The following NME7 variants were observed in gnomAD, a reference collection of about 807,000 sequenced individuals.
NME7 encodes the protein NME/NM23 family member 7, also known as nucleoside diphosphate kinase 7.
In NME7, 41 loss-of-function variants were observed where a neutral mutation model predicts 49.1. The observed-to-expected ratio is 0.83, with a 90% CI of 0.65 to 1.08. The LOEUF (loss-of-function observed/expected upper bound fraction) is 1.08, where lower values mean the gene tolerates loss of function less well. Among genes scored for constraint, NME7 ranks in the 50% least tolerant of loss-of-function variants. NME7 has a pLI of 0.00. For synonymous variants in NME7, 139 were observed against 150.6 expected (o/e 0.92, Z 0.56); for missense variants, 423 against 463.4 (o/e 0.91, Z 0.80).
At chr1:169,281,814 G>A (rs1319793595) in intron 7 of NME7, among the ~76,000 whole-genome samples, 1 of 152,184 alleles carries the variant, frequency 6.6e-6, no homozygotes, top group Non-Finnish European at 1.5e-5. Flanking sequence ...GATTGTGATG[G>A]ATAAGCTTTT....
At chr1:169,162,098 C>T (rs1659265125) in intron 11 of NME7, among the ~76,000 whole-genome samples, 1 of 152,084 alleles carries the variant, frequency 6.6e-6, no homozygotes, top group Non-Finnish European at 1.5e-5. Flanking sequence ...TGATTTCATC[C>T]CCAGTCAGTC....
At chr1:169,257,890 G>T (rs1318580599) in intron 7 of NME7, among the ~76,000 whole-genome samples, 1 of 133,876 alleles carries the variant, frequency 7.5e-6, no homozygotes, top group African/African-American at 2.5e-5. Flanking sequence ...AAAGGTTTCT[G>T]CTGAGGAAAT....
intron 7 of NME7, among the ~76,000 whole-genome samples, 154 bp from the exon 8 acceptor site, chr1:169,237,841 T>C (rs1050546697): frequency 3.9e-5 from 6 of 152,186 alleles, no homozygotes; most frequent in African/African-American, 1.4e-4. Context: ...AAATCCCTAA[T>C]ACTGAGCATT....
At position 169,241,599 on chromosome 1, in the gene NME7, C is replaced by T. The variant is rs542003368; in HGVS notation, c.755-3912G>A. ...TAAGAATAAATAGGACAAGTTCACA[C>T]GATATATAGGAAGATGCTCACCATA... On this transcript the variant is annotated intron_variant, in intron 7 of 11. Coordinates refer to ENST00000367811, the MANE Select transcript of NME7 (RefSeq NM_013330.5). Among the ~76,000 whole-genome samples, 10 of 151,412 alleles carry T rather than the reference C, an allele frequency of 6.6e-5. No homozygotes were observed. The South Asian group carries it at 1.0e-3, about 16-fold the overall frequency.
intron 6 of NME7, 25 bp downstream of exon 6, chr1:169,298,531 T>C (rs370576778): frequency 3.1e-6 from 5 of 1,604,878 alleles, no homozygotes; most frequent in Non-Finnish European, 4.3e-6. Flanking sequence ...TAGAAGAGCA[T>C]TAAAATATTT....
intron 11 of NME7, among the ~76,000 whole-genome samples, chr1:169,160,036 C>A (rs1433553817): frequency 3.9e-5 from 6 of 152,184 alleles, no homozygotes; most frequent in Admixed American, 6.5e-5. Flanking sequence ...TCCACACTGG[C>A]TACCTCCTTC....
chr1:169,190,669 C>T, intron 10 of NME7: 1 of 444,220 alleles, frequency 2.3e-6, no homozygotes, highest in Non-Finnish European at 4.5e-6. Context: ...CTTTAGTTTG[C>T]CTAAATTCAC....
intron 10 of NME7, among the ~76,000 whole-genome samples, chr1:169,210,608 ACT>A (rs1491259378): frequency 1.3e-5 from 2 of 151,816 alleles, no homozygotes; most frequent in Non-Finnish European, 2.9e-5. Context: ...ACACACACAC[ACT>A]CCATCAGAAT....
At chr1:169,359,464 C>CTT (rs1472534003) in intron 1 of NME7, among the ~76,000 whole-genome samples, 1 of 145,324 alleles carries the variant, frequency 6.9e-6, no homozygotes, top group East Asian at 4.8e-4. Flanking sequence ...GGATATGTAT[C>CTT]TCTGTGTGTG....
chr1:169,367,610 G>C (rs192344944), intron 1 of NME7, 98 bp downstream of exon 1: 49 of 1,362,674 alleles, frequency 3.6e-5, no homozygotes, highest in Non-Finnish European at 4.3e-5. Flanking sequence ...AGAAGGTCGG[G>C]AGGACCGGAC....
intron 11 of NME7, among the ~76,000 whole-genome samples, chr1:169,151,576 C>G (rs1658916280): frequency 6.6e-6 from 1 of 152,124 alleles, no homozygotes; most frequent in South Asian, 2.1e-4. Context: ...CTCCGCTAGT[C>G]CCCCCCAGGC....
At chr1:169,162,664 T>C (rs1344756019) in intron 11 of NME7, among the ~76,000 whole-genome samples, 2 of 151,882 alleles carry the variant, frequency 1.3e-5, no homozygotes, top group Non-Finnish European at 2.9e-5. Context: ...GGCAACACGA[T>C]GAGACCCCAT....
At chr1:169,140,541 A>G (rs1301826817) in intron 11 of NME7, among the ~76,000 whole-genome samples, 1 of 152,128 alleles carries the variant, frequency 6.6e-6, no homozygotes, top group Admixed American at 6.5e-5. Flanking sequence ...CCCACTCTGA[A>G]ACTAGTAGCC....
At chr1:169,254,700 T>A (rs1204770846) in intron 7 of NME7, among the ~76,000 whole-genome samples, 10 of 145,232 alleles carry the variant, frequency 6.9e-5, no homozygotes, top group African/African-American at 2.5e-4. Context: ...TGTGGCCATT[T>A]AGTGCTATAA....
chr1:169,245,028 C>T (rs1648251455), intron 7 of NME7, among the ~76,000 whole-genome samples: 1 of 152,136 alleles, frequency 6.6e-6, no homozygotes, highest in African/African-American at 2.4e-5. Flanking sequence ...ACCTGGGAGG[C>T]TGAGGCACAA....
At chr1:169,301,389 G>A (rs1426414466) in intron 5 of NME7, among the ~76,000 whole-genome samples, 2 of 152,080 alleles carry the variant, frequency 1.3e-5, no homozygotes, top group Non-Finnish European at 2.9e-5. Flanking sequence ...TTTCACACCA[G>A]TCAGAATGGT....
At chr1:169,199,453 A>T (rs1222882866) in intron 10 of NME7, among the ~76,000 whole-genome samples, 7 of 23,464 alleles carry the variant, frequency 3.0e-4, no homozygotes, top group East Asian at 5.0e-3. Flanking sequence ...GGTCTTTTTT[A>T]TTATTATTAT....
Position 169,264,237 on chromosome 1 carries a change from C to T in NME7, c.754+23066G>A, listed in dbSNP as rs1461992915. On this transcript the variant is annotated intron_variant, in intron 7 of 11. Coordinates refer to ENST00000367811, the MANE Select transcript of NME7 (RefSeq NM_013330.5). ...AAGAACATAATGACAGGATCAAATTCACACATATCAATACTAACCTTGAAT... is the reference window on the plus strand; with the variant it reads ...AAGAACATAATGACAGGATCAAATTTACACATATCAATACTAACCTTGAAT... Among the ~76,000 whole-genome samples, 4 of 133,862 alleles carry T rather than the reference C, an allele frequency of 3.0e-5. No homozygotes were observed. In the East Asian group the frequency reaches 7.9e-4, roughly 27 times the overall value. The allele number at this position is 133,862 out of a possible 152,430, so 87.8% of individuals were successfully genotyped here. A position where few individuals can be genotyped will look rare whatever the true frequency, so the allele number is the denominator to read the frequency against.
chr1:169,270,087 A>G lies in NME7; in HGVS notation c.754+17216T>C, dbSNP rs1437044102. ...TGCCTGGCCAAAATTTTCCTTTATAAGAATTTTCTACACAGTTTCACAGAA... is the reference window on the plus strand; with the variant it reads ...TGCCTGGCCAAAATTTTCCTTTATAGGAATTTTCTACACAGTTTCACAGAA... On this transcript the variant is annotated intron_variant, in intron 7 of 11. Coordinates refer to ENST00000367811, the MANE Select transcript of NME7 (RefSeq NM_013330.5). Among the ~76,000 whole-genome samples the G allele has an allele frequency of 6.7e-5, 9 of 133,968 alleles. 4 individuals carry two copies. The highest frequency in any genetic ancestry group is 4.0e-4 in the East Asian group (2 of 5,042). 87.9% of individuals were successfully genotyped at this position (133,968 alleles called of 152,430 possible).
Sources: gnomAD v4.1 joint callset for allele counts (sites outside exome capture counted in the v4.1 genomes callset) on GRCh38, gnomAD v4.1.1 for gene constraint, MANE v1.5 for transcripts, NCBI Gene and HGNC (gene_info 2026-07-23, HGNC 2026-07-21) for gene names.